Variants in SYDE2 observed in about 807,000 individuals in gnomAD.
SYDE2 encodes the protein synapse defective Rho GTPase homolog 2, also known as rho GTPase-activating protein SYDE2.
Under a neutral mutation model 91.5 loss-of-function variants are expected in SYDE2, and 76 were observed. The observed-to-expected ratio is 0.83, with a 90% CI of 0.69 to 1.01. The LOEUF (loss-of-function observed/expected upper bound fraction) is 1.01, where lower values mean the gene tolerates loss of function less well. Ranked by LOEUF, SYDE2 falls within the 50% of genes least tolerant of loss-of-function variation. The pLI, the probability that SYDE2 is intolerant of heterozygous loss-of-function variation, is 0.00. For missense variants in SYDE2, 1,364 were observed against 1,367.7 expected (o/e 1.00, Z 0.04); for synonymous variants, 513 against 506.4 (o/e 1.01, Z -0.18).
chr1:85,168,585 A>G (rs1353556787), intron 5 of SYDE2, among the ~76,000 whole-genome samples: 1 of 152,184 alleles, frequency 6.6e-6, no homozygotes, highest in Non-Finnish European at 1.5e-5. Context: ...GGAGGAAAAA[A>G]CGAGGGGAGG....
downstream of SYDE2, among the ~76,000 whole-genome samples, chr1:85,154,730 C>T (rs150537241): frequency 1.5e-3 from 232 of 152,006 alleles, 1 homozygote; most frequent in Non-Finnish European, 2.8e-3. Context: ...ATCTCACCAT[C>T]TCTATTGTTT....
rs753827422 is a variant in SYDE2, at chr1:85,169,038, G to A, written c.2853+6C>T. On this transcript the variant is annotated splice_donor_region_variant and intron_variant, in intron 5 of 6. Transcript: ENST00000341460. ...TTCAGGAAAAATGTATACTGGTAAT[G>A]CTTACCTTCTCAATCTCTGGCAGAC... 6.8e-6 allele frequency: 11 copies of A among 1,613,014 alleles called. No individual in the cohort carries two copies. The highest frequency in any genetic ancestry group is 2.2e-5 in the South Asian group (2 of 91,058).
chr1:85,194,889 G>C (rs1010859646), intron 1 of SYDE2: 1 of 964,650 alleles, frequency 1.0e-6, no homozygotes, highest in African/African-American at 1.8e-5. Context: ...GGCTGGGCGC[G>C]GTGGCTCACG....
intron 2 of SYDE2, among the ~76,000 whole-genome samples, chr1:85,189,040 T>C (rs1337976829): frequency 2.6e-5 from 4 of 152,246 alleles, no homozygotes; most frequent in Admixed American, 2.6e-4. Flanking sequence ...TCCTGGGTAG[T>C]GTGTCTGGGA....
intron 6 of SYDE2, among the ~76,000 whole-genome samples, chr1:85,163,449 A>ATATATC (rs1657145812): frequency 3.2e-5 from 3 of 94,562 alleles, no homozygotes; most frequent in Non-Finnish European, 5.7e-5. Flanking sequence ...TTTAATCTAT[A>ATATATC]TATATATATA....
intron 1 of SYDE2, among the ~76,000 whole-genome samples, chr1:85,191,016 T>C (rs768502015): frequency 2.0e-5 from 3 of 152,086 alleles, no homozygotes; most frequent in Non-Finnish European, 2.9e-5. Flanking sequence ...ATAAAAACTA[T>C]AGTGCTAACA....
At position 85,196,738 on chromosome 1, in the gene SYDE2, G is replaced by GA. The variant is rs531280012; in HGVS notation, c.745+3513dup. On this transcript the variant is annotated intron_variant, in intron 1 of 6. Coordinates refer to ENST00000341460, the MANE Select transcript of SYDE2 (RefSeq NM_032184.2). The stretch of plus-strand genomic sequence containing the variant: ...ACTCACCTTGAAAAGGGCAAATACA[G>GA]AAAAAAATTGTTGGAAAAATTCATA... Among the ~76,000 whole-genome samples, 9 of 151,858 alleles carry GA rather than the reference G, an allele frequency of 5.9e-5. No homozygotes were observed. The South Asian group carries it at 1.9e-3, about 32-fold the overall frequency.
At chr1:85,195,450 A>ATG (rs963656809) in intron 1 of SYDE2, among the ~76,000 whole-genome samples, 1 of 151,996 alleles carries the variant, frequency 6.6e-6, no homozygotes, top group African/African-American at 2.4e-5. Flanking sequence ...GTGTGTGTAT[A>ATG]TGTGTGTGTG....
intron 1 of SYDE2, among the ~76,000 whole-genome samples, chr1:85,198,253 C>T (rs908976175): frequency 2.0e-5 from 3 of 152,100 alleles, no homozygotes; most frequent in Non-Finnish European, 2.9e-5. Flanking sequence ...TCCCTCTGTT[C>T]TTTTTCTTGT....
At position 85,164,711 on chromosome 1, in the gene SYDE2, T is replaced by A; in HGVS notation, c.2900A>T (p.Tyr967Phe). The change falls in exon 6 of 7, where the codon TAT (tyrosine) becomes TTT (phenylalanine). Residue 967 changes from tyrosine (Y) to phenylalanine (F), a missense_variant. Coordinates refer to ENST00000341460, the MANE Select transcript of SYDE2 (RefSeq NM_032184.2). ...GCACGTCATCTTATTCACTTCATGATAGGAAGCCACCAATTTCAAATGATC... is the reference window on the plus strand; with the variant it reads ...GCACGTCATCTTATTCACTTCATGAAAGGAAGCCACCAATTTCAAATGATC... ...LLDHLKLVAS[Y>F]HEVNKMTCQN... 4 of 1,477,728 alleles carry A rather than the reference T, an allele frequency of 2.7e-6. No homozygotes were observed. Among genetic ancestry groups the A allele is most frequent in the Non-Finnish European group, 3.6e-6 (4 of 1,114,282 alleles). 91.5% of individuals were successfully genotyped at this position (1,477,728 alleles called of 1,614,324 possible). A position where few individuals can be genotyped will look rare whatever the true frequency, so the allele number is the denominator to read the frequency against.
rs118169904 is a variant in SYDE2 at position 85,165,149 on chromosome 1, G to A, written c.2854-392C>T. Among the ~76,000 whole-genome samples, 598 of 152,230 alleles carry A rather than the reference G, an allele frequency of 3.9e-3. 20 individuals are homozygous for A. The East Asian group carries it at 0.049, about 12-fold the overall frequency. ...CTCGGGAGGCTGAGATGGGAGAATC[G>A]CTGGAACCCAGGAGATGGTGGTTGC... On this transcript the variant is annotated intron_variant, in intron 5 of 6. Transcript: ENST00000341460.
At chr1:85,186,251 A>C (rs902212587) in intron 2 of SYDE2, among the ~76,000 whole-genome samples, 1 of 152,072 alleles carries the variant, frequency 6.6e-6, no homozygotes, top group Non-Finnish European at 1.5e-5. Flanking sequence ...ATTGGTCTAA[A>C]ATTCTCTTTT....
chr1:85,189,922 T>C, intron 2 of SYDE2, 135 bp downstream of exon 2: 2 of 736,682 alleles, frequency 2.7e-6, no homozygotes, highest in Non-Finnish European at 4.2e-6. Flanking sequence ...TTGAGTTTTA[T>C]TTTCATGAAA....
rs751155174 is a variant in SYDE2 at position 85,169,082 on chromosome 1, T to G, written c.2815A>C (p.Thr939Pro). Residue 939 changes from threonine (T) to proline (P), a missense_variant, in exon 5 of 7, where the codon ACT (threonine) becomes CCT (proline). Coordinates refer to ENST00000341460, the MANE Select transcript of SYDE2 (RefSeq NM_032184.2). ...CENDPGDSKY[T>P]VDLLDCLPEI... ...GGCAGACAATCCAGCAGGTCAACAG[T>G]GTACTTAGAGTCACCTGGGTCATTC... 1.9e-6 allele frequency: 3 copies of G among 1,613,774 alleles called. No individual in the cohort carries two copies. Among genetic ancestry groups the G allele is most frequent in the African/African-American group, 1.3e-5 (1 of 74,948 alleles).
chr1:85,159,030 T>C lies in SYDE2; in HGVS notation c.3305A>G (p.Asn1102Ser), dbSNP rs566775219. ...WSSCGENYFL[N>S]TKENLNDVDY... ...CACATCATTTAAATTTTCTTTTGTA[T>C]TTAAAAAGTAGTTTTCCCCACAGCT... Residue 1102 changes from asparagine to serine, a missense_variant, in exon 7 of 7, where the codon AAT (asparagine) becomes AGT (serine). Physicochemically the swap from Asn to Ser is conservative, Grantham distance 46. Coordinates refer to ENST00000341460, the MANE Select transcript of SYDE2 (RefSeq NM_032184.2). 8.7e-5 allele frequency: 68 copies of C among 780,824 alleles called. 1 individual carries two copies. Among genetic ancestry groups the C allele is most frequent in the South Asian group, 8.6e-4 (64 of 74,596 alleles). The allele number at this position is 780,824 out of a possible 1,614,324, so 48.4% of individuals were successfully genotyped here.
At chr1:85,169,475 T>C (rs1657421413) in intron 4 of SYDE2, among the ~76,000 whole-genome samples, 1 of 152,240 alleles carries the variant, frequency 6.6e-6, no homozygotes, top group Non-Finnish European at 1.5e-5. Flanking sequence ...TTAGGTTTGT[T>C]AATCATAAAG....
rs765686121 is a variant in SYDE2, at chr1:85,183,094, C to A, written c.1548G>T (p.Leu516Phe). 6.2e-7 allele frequency: 1 copy of A among 1,613,304 alleles called. No individual in the cohort carries two copies. The highest frequency in any genetic ancestry group is 1.1e-5 in the South Asian group (1 of 90,894). Reference protein sequence around the residue: ...VKKGSSINWSLPDKIKSPRTV... With the variant: ...VKKGSSINWSFPDKIKSPRTV... ...TTCGTGGAGATTTTATTTTATCTGG[C>A]AATGACCAATTAATTGAACTGCCTT... The change falls in exon 3 of 7, where the codon TTG becomes TTT. Residue 516 changes from leucine to phenylalanine, a missense_variant. Coordinates refer to ENST00000341460, the MANE Select transcript of SYDE2 (RefSeq NM_032184.2).
chr1:85,188,420 T>C (rs2100683265), intron 2 of SYDE2, among the ~76,000 whole-genome samples: 1 of 152,354 alleles, frequency 6.6e-6, no homozygotes, highest in South Asian at 2.1e-4. Flanking sequence ...ATTGCCATCA[T>C]ACAGTACACA....
intron 4 of SYDE2, among the ~76,000 whole-genome samples, chr1:85,175,171 A>G (rs1171986285): frequency 6.6e-6 from 1 of 152,238 alleles, no homozygotes; most frequent in Non-Finnish European, 1.5e-5. Context: ...TGACTTTTAA[A>G]AAGCCTTCTG....
Sources: gnomAD v4.1 joint callset for allele counts (sites outside exome capture counted in the v4.1 genomes callset) on GRCh38, gnomAD v4.1.1 for gene constraint, MANE v1.5 for transcripts, NCBI Gene and HGNC (gene_info 2026-07-23, HGNC 2026-07-21) for gene names.